The following ENTREP2 variants were observed in gnomAD, a reference collection of about 807,000 sequenced individuals.
The protein encoded by ENTREP2 is endosomal transmembrane epsin interactor 2.
the ENTREP2 span, chr15:29,234,664 G>A: frequency 1.3e-6 from 2 of 1,565,268 alleles, no homozygotes; most frequent in African/African-American, 1.4e-5. Context: ...CACCACAAGA[G>A]AGAAAAGTGT....
At chr15:29,624,765 CT>C in the ENTREP2 span, among the ~76,000 whole-genome samples, 1 of 152,040 alleles carries the variant, frequency 6.6e-6, no homozygotes, top group Non-Finnish European at 1.5e-5. Context: ...GTGGTGACAT[CT>C]TTTATAACTC....
chr15:29,249,190 C>T, the ENTREP2 span, among the ~76,000 whole-genome samples: 1 of 152,180 alleles, frequency 6.6e-6, no homozygotes, highest in African/African-American at 2.4e-5. Flanking sequence ...TGCCTATAGT[C>T]CCAGCTACTT....
the ENTREP2 span, among the ~76,000 whole-genome samples, chr15:29,225,038 C>G: frequency 4.6e-5 from 7 of 152,216 alleles, no homozygotes; most frequent in Admixed American, 2.0e-4. Flanking sequence ...GCCGGCCGCT[C>G]TGAGTGCGGG....
the ENTREP2 span, among the ~76,000 whole-genome samples, chr15:29,388,068 T>C: frequency 1.3e-5 from 2 of 152,182 alleles, no homozygotes. Context: ...GGCAAGGACT[T>C]CATGTCTAAA....
chr15:29,343,329 G>A, the ENTREP2 span, among the ~76,000 whole-genome samples: 2 of 152,004 alleles, frequency 1.3e-5, no homozygotes, highest in Non-Finnish European at 2.9e-5. Context: ...CCTCCATACT[G>A]CGGGGGGCCT....
the ENTREP2 span, among the ~76,000 whole-genome samples, chr15:29,415,246 T>A: frequency 6.6e-6 from 1 of 152,050 alleles, no homozygotes; most frequent in Non-Finnish European, 1.5e-5. Context: ...GATGCAAAAA[T>A]CCTCAATAAA....
the ENTREP2 span, among the ~76,000 whole-genome samples, chr15:29,535,081 T>TA: frequency 0.012 from 1,765 of 151,070 alleles, 30 homozygotes; most frequent in African/African-American, 0.041. Context: ...CTCGTCTCTA[T>TA]AAAAAAAAGA....
chr15:29,179,964 A>G, the ENTREP2 span, among the ~76,000 whole-genome samples: 1 of 152,124 alleles, frequency 6.6e-6, no homozygotes, highest in Non-Finnish European at 1.5e-5. Context: ...TTGCCCAAGG[A>G]TGGTGTGCTC....
At chr15:29,328,048 T>C in the ENTREP2 span, among the ~76,000 whole-genome samples, 2 of 152,206 alleles carry the variant, frequency 1.3e-5, no homozygotes, top group Admixed American at 6.5e-5. Context: ...CTTAAATAGG[T>C]GAATGGATAA....
At chr15:29,466,916 T>G in the ENTREP2 span, among the ~76,000 whole-genome samples, 484 of 33,764 alleles carry the variant, frequency 0.014, no homozygotes, top group Admixed American at 0.019. Flanking sequence ...GCCCCCAGGG[T>G]AGGGCCCAGG....
At chr15:29,153,731 C>T in the ENTREP2 span, among the ~76,000 whole-genome samples, 1 of 152,192 alleles carries the variant, frequency 6.6e-6, no homozygotes, top group East Asian at 1.9e-4. Context: ...AAAACTTTGT[C>T]AAGCCCCAGA....
the ENTREP2 span, among the ~76,000 whole-genome samples, chr15:29,637,234 T>C: frequency 6.6e-6 from 1 of 152,220 alleles, no homozygotes; most frequent in African/African-American, 2.4e-5. Context: ...TATGCTCTGA[T>C]ACAATGTCAG....
chr15:29,599,945 GT>G, the ENTREP2 span, among the ~76,000 whole-genome samples: 49,352 of 151,932 alleles, frequency 0.32, 9,006 homozygotes, highest in East Asian at 0.4. Flanking sequence ...CTGTCTCTAT[GT>G]TTTTTTTATT....
the ENTREP2 span, among the ~76,000 whole-genome samples, chr15:29,641,757 G>A: frequency 5.3e-5 from 8 of 151,408 alleles, no homozygotes; most frequent in African/African-American, 1.7e-4. Flanking sequence ...TCTTGAACAC[G>A]GGAGGCAGAG....
the ENTREP2 span, among the ~76,000 whole-genome samples, chr15:29,316,029 C>T: frequency 1.2e-3 from 185 of 152,186 alleles, 1 homozygote; most frequent in African/African-American, 4.4e-3. Context: ...GGAATACAAA[C>T]AGGACAGAAA....
At chr15:29,343,109 C>T in the ENTREP2 span, among the ~76,000 whole-genome samples, 1 of 151,448 alleles carries the variant, frequency 6.6e-6, no homozygotes, top group Non-Finnish European at 1.5e-5. Context: ...ACATATTCTA[C>T]CCCTTTTTCT....
the ENTREP2 span, chr15:29,374,892 T>C: frequency 8.5e-5 from 13 of 152,332 alleles, no homozygotes; most frequent in African/African-American, 3.1e-4. Flanking sequence ...TTTTTCTCTC[T>C]TACATTGTAG....
At chr15:29,405,054 C>T in the ENTREP2 span, among the ~76,000 whole-genome samples, 2 of 152,184 alleles carry the variant, frequency 1.3e-5, no homozygotes, top group African/African-American at 2.4e-5. Context: ...GACTCCTGGT[C>T]ACTTCTAACC....
chr15:29,266,890 G>A, the ENTREP2 span: 2 of 152,150 alleles, frequency 1.3e-5, no homozygotes, highest in African/African-American at 2.4e-5. Flanking sequence ...TGAGAAAAGC[G>A]GGGGGAATTT....
Sources: allele counts gnomAD v4.1 joint callset (sites outside exome capture counted in the v4.1 genomes callset), GRCh38; gene constraint gnomAD v4.1.1; transcripts MANE v1.5; gene names NCBI Gene and HGNC (gene_info 2026-07-23, HGNC 2026-07-21).